The following SLC3A1 variants were observed in gnomAD, a reference collection of about 807,000 sequenced individuals.
The protein encoded by SLC3A1 is amino acid transporter heavy chain SLC3A1.
SLC3A1 carries 78 observed loss-of-function variants against 60.3 expected under a neutral mutation model. That is an observed-to-expected ratio of 1.29 (90% confidence interval 1.08 to 1.56). The LOEUF (loss-of-function observed/expected upper bound fraction) is 1.56. Among genes scored for constraint, SLC3A1 ranks in the 40% most tolerant of loss-of-function variants. SLC3A1 has a pLI of 0.00. For missense variants in SLC3A1, 1,172 were observed against 858.9 expected (o/e 1.36, Z -4.56); for synonymous variants, 392 against 307.9 (o/e 1.27, Z -2.86).
chr2:44,280,315 T>C (rs1437248879), intron 1 of SLC3A1, among the ~76,000 whole-genome samples: 3 of 152,152 alleles, frequency 2.0e-5, no homozygotes, highest in African/African-American at 7.2e-5. Context: ...CTTGAGTCAT[T>C]GTAGCCTCCG....
chr2:44,289,338 G>A (rs1572796193), intron 4 of SLC3A1, among the ~76,000 whole-genome samples: 1 of 150,366 alleles, frequency 6.7e-6, no homozygotes, highest in African/African-American at 2.5e-5. Flanking sequence ...AGCCACCCAA[G>A]TAGCTGAGAT....
At chr2:44,314,637 C>G (rs1558470128) in intron 9 of SLC3A1, 1 of 153,298 alleles carries the variant, frequency 6.5e-6, no homozygotes, top group South Asian at 2.0e-4. Flanking sequence ...ACTGAGTAAT[C>G]TGAGGAAACT....
At chr2:44,284,239 C>T (rs1671561318) in intron 3 of SLC3A1, among the ~76,000 whole-genome samples, 1 of 152,094 alleles carries the variant, frequency 6.6e-6, no homozygotes, top group Non-Finnish European at 1.5e-5. Flanking sequence ...ATCACCATGC[C>T]CACCTAATTT....
At chr2:44,314,377 T>TC (rs1478791521) in intron 9 of SLC3A1, 9 of 319,828 alleles carry the variant, frequency 2.8e-5, no homozygotes, top group Non-Finnish European at 4.6e-5. Flanking sequence ...ACACTACTGT[T>TC]CTGAAGAAAC....
chr2:44,295,321 C>T (rs1048609614), intron 4 of SLC3A1, among the ~76,000 whole-genome samples: 1 of 152,140 alleles, frequency 6.6e-6, no homozygotes, highest in Non-Finnish European at 1.5e-5. Flanking sequence ...GAGTCAAGGA[C>T]GTAGTGTATA....
intron 4 of SLC3A1, among the ~76,000 whole-genome samples, chr2:44,299,031 C>T (rs370819206): frequency 1.7e-4 from 21 of 124,368 alleles, no homozygotes; most frequent in African/African-American, 5.7e-4. Flanking sequence ...ATGTAGATTC[C>T]TTTTTTTTTT....
intron 8 of SLC3A1, 56 bp downstream of exon 8, chr2:44,312,809 T>G (rs1295902797): frequency 6.6e-7 from 1 of 1,509,368 alleles, no homozygotes; most frequent in Non-Finnish European, 9.1e-7. Flanking sequence ...GTATTCATTT[T>G]TTATTTTTTG....
intron 4 of SLC3A1, among the ~76,000 whole-genome samples, chr2:44,288,607 C>T (rs1474456417): frequency 6.6e-6 from 1 of 152,192 alleles, no homozygotes; most frequent in African/African-American, 2.4e-5. Context: ...TTTTACATTT[C>T]CATTAACAAT....
intron 9 of SLC3A1, chr2:44,316,288 C>G (rs1410439834): frequency 6.6e-6 from 1 of 152,096 alleles, no homozygotes; most frequent in Non-Finnish European, 1.5e-5. Context: ...TATAAATACC[C>G]CCAGTAGATT....
Position 44,320,261 on chromosome 2 carries a change from C to T in SLC3A1, c.1680C>T (p.Ala560=). The stretch of plus-strand genomic sequence containing the variant: ...ATCAAGATTTAAGTCTACTTCATGC[C>T]AATGAGCTACTCCTCAACAGGGGCT... ...KLYQDLSLLH[A]NELLLNRGWF... The change falls in exon 10 of 10, where the codon GCC becomes GCT. Residue 560 remains alanine (A), a synonymous_variant. Transcript: ENST00000260649. 14 of 1,614,002 alleles carry T rather than the reference C, an allele frequency of 8.7e-6. No individual in the cohort carries two copies. The highest frequency in any genetic ancestry group is 1.2e-5 in the Non-Finnish European group (14 of 1,179,910).
chr2:44,321,607 A>G, downstream of SLC3A1: 9 of 1,480,504 alleles, frequency 6.1e-6, no homozygotes, highest in African/African-American at 1.4e-5. Context: ...CCAACAATTA[A>G]GATTAAATTA....
intron 1 of SLC3A1, among the ~76,000 whole-genome samples, chr2:44,277,127 G>A (rs1299693239): frequency 2.8e-5 from 2 of 70,838 alleles, no homozygotes; most frequent in Non-Finnish European, 5.5e-5. Flanking sequence ...TTTTTTTTGT[G>A]ATGGAGTTTC....
intron 4 of SLC3A1, among the ~76,000 whole-genome samples, chr2:44,289,281 G>T (rs1042580584): frequency 7.9e-5 from 12 of 151,566 alleles, no homozygotes; most frequent in African/African-American, 2.7e-4. Context: ...CGTGATCTCG[G>T]CTCACTGCAA....
At chr2:44,309,589 C>G (rs377107819) in intron 7 of SLC3A1, among the ~76,000 whole-genome samples, 10 of 152,236 alleles carry the variant, frequency 6.6e-5, no homozygotes, top group African/African-American at 2.4e-4. Flanking sequence ...ATTGCTGGAT[C>G]ACATAATACT....
At chr2:44,278,384 G>A (rs1185030869) in intron 1 of SLC3A1, among the ~76,000 whole-genome samples, 3 of 151,982 alleles carry the variant, frequency 2.0e-5, no homozygotes, top group Non-Finnish European at 4.4e-5. Context: ...GGAGGCGGAG[G>A]TTGCAGTGAG....
intron 3 of SLC3A1, among the ~76,000 whole-genome samples, chr2:44,284,657 G>A (rs1671574441): frequency 3.3e-5 from 5 of 152,098 alleles, no homozygotes; most frequent in African/African-American, 1.2e-4. Context: ...CGAGCTCCTA[G>A]GCTCAAGCAA....
chr2:44,285,875 G>A (rs1013160750), intron 3 of SLC3A1, 157 bp from the exon 4 acceptor site: 11 of 884,486 alleles, frequency 1.2e-5, no homozygotes, highest in Admixed American at 1.8e-5. Flanking sequence ...GGGGTGGGGG[G>A]TATTTGGAAG....
intron 4 of SLC3A1, among the ~76,000 whole-genome samples, chr2:44,299,031 CTTT>C (rs3074475): frequency 0.011 from 1,394 of 124,338 alleles, 14 homozygotes; most frequent in Non-Finnish European, 0.017. Flanking sequence ...ATGTAGATTC[CTTT>C]TTTTTTTTTT....
At chr2:44,279,389 C>T (rs1487688834) in intron 1 of SLC3A1, among the ~76,000 whole-genome samples, 1 of 151,858 alleles carries the variant, frequency 6.6e-6, no homozygotes. Context: ...ATCCCCTTTG[C>T]CCACACCATC....
Sources: allele counts gnomAD v4.1 joint callset (sites outside exome capture counted in the v4.1 genomes callset), GRCh38; gene constraint gnomAD v4.1.1; transcripts MANE v1.5; gene names NCBI Gene and HGNC (gene_info 2026-07-23, HGNC 2026-07-21).